The following LURAP1L variants were observed in gnomAD, a reference collection of about 807,000 sequenced individuals.
The protein encoded by LURAP1L is leucine rich adaptor protein 1-like.
Under a neutral mutation model 13.8 loss-of-function variants are expected in LURAP1L, and 12 were observed. The observed-to-expected ratio is 0.87, with a 90% CI of 0.56 to 1.41. LURAP1L has a LOEUF of 1.41. LURAP1L is among the 40% of genes most tolerant of loss of function. The pLI, the probability that LURAP1L is intolerant of heterozygous loss-of-function variation, is 0.00. For missense variants in LURAP1L, 375 were observed against 292.9 expected (o/e 1.28, Z -2.04); for synonymous variants, 139 against 119.2 (o/e 1.17, Z -1.08).
At position 12,812,607 on chromosome 9, in the gene LURAP1L, A is replaced by T. The variant is rs186541032; in HGVS notation, c.313-8779A>T. 1.1e-4 allele frequency among the ~76,000 whole-genome samples: 16 copies of T among 152,336 alleles called. No homozygotes were observed. The East Asian group carries it at 1.7e-3, about 17-fold the overall frequency. On this transcript the variant is annotated intron_variant, in intron 1 of 1. Transcript: ENST00000319264. ...AGAATGAAGAAGAAATATGGGGCAT[A>T]AGATCCACGGCAAACAGATTTAATT... is the stretch of plus-strand genomic sequence containing the variant.
chr9:12,792,288 A>G (rs1361469884), intron 1 of LURAP1L, among the ~76,000 whole-genome samples: 1 of 152,152 alleles, frequency 6.6e-6, no homozygotes, highest in Non-Finnish European at 1.5e-5. Flanking sequence ...TTTTGTTAGA[A>G]GAGGAAAGTG....
Position 12,775,863 on chromosome 9 carries a change from G to A in LURAP1L, c.148G>A (p.Gly50Ser), listed in dbSNP as rs759447438. 7.0e-7 allele frequency: 1 copy of A among 1,418,676 alleles called. No homozygotes were observed. The highest frequency in any genetic ancestry group is 1.2e-5 in the South Asian group (1 of 82,622). The allele number at this position is 1,418,676 out of a possible 1,614,324, so 87.9% of individuals were successfully genotyped here. ...RDPCGGSGGG[G>S]GGGGGCSSSS... Reference sequence around the variant, plus strand: ...CCCCTGCGGGGGGAGCGGTGGTGGTGGCGGCGGCGGCGGCGGCTGCAGTAG... The same window carrying A: ...CCCCTGCGGGGGGAGCGGTGGTGGTAGCGGCGGCGGCGGCGGCTGCAGTAG... The change falls in exon 1 of 2, where the codon GGC becomes AGC. Residue 50 changes from glycine to serine, a missense_variant. Physicochemically the swap from Gly to Ser is moderately conservative, Grantham distance 56. Coordinates refer to ENST00000319264, the MANE Select transcript of LURAP1L (RefSeq NM_203403.2).
chr9:12,796,958 C>T (rs1369547268), intron 1 of LURAP1L, among the ~76,000 whole-genome samples: 3 of 151,896 alleles, frequency 2.0e-5, no homozygotes, highest in Non-Finnish European at 4.4e-5. Context: ...TTTAAAGTAC[C>T]TGTCATTGTA....
intron 1 of LURAP1L, among the ~76,000 whole-genome samples, chr9:12,819,144 A>T (rs916077754): frequency 3.3e-5 from 5 of 152,282 alleles, no homozygotes; most frequent in African/African-American, 1.2e-4. Flanking sequence ...CTCAAGGCTA[A>T]GTTCACATCC....
intron 1 of LURAP1L, among the ~76,000 whole-genome samples, chr9:12,798,012 G>A (rs945768639): frequency 6.6e-6 from 1 of 152,146 alleles, no homozygotes; most frequent in South Asian, 2.1e-4. Context: ...CATGGGGCAA[G>A]CATTTGATCT....
chr9:12,816,927 G>T (rs556641936), intron 1 of LURAP1L, among the ~76,000 whole-genome samples: 85 of 152,192 alleles, frequency 5.6e-4, no homozygotes, highest in Non-Finnish European at 9.3e-4. Context: ...GTTGTTTTTT[G>T]GTACATGTCC....
intron 1 of LURAP1L, among the ~76,000 whole-genome samples, chr9:12,786,588 T>C (rs1416560953): frequency 6.6e-5 from 2 of 30,328 alleles, no homozygotes; most frequent in African/African-American, 3.2e-4. Context: ...ATATAAACCC[T>C]TGTGCCTTAA....
chr9:12,794,962 G>C (rs1819493357), intron 1 of LURAP1L, among the ~76,000 whole-genome samples: 1 of 151,934 alleles, frequency 6.6e-6, no homozygotes, highest in East Asian at 1.9e-4. Flanking sequence ...GCTACTAAAA[G>C]ATTTTAACCT....
chr9:12,811,105 T>C (rs898911304), intron 1 of LURAP1L, among the ~76,000 whole-genome samples: 6 of 152,162 alleles, frequency 3.9e-5, no homozygotes, highest in Non-Finnish European at 7.4e-5. Context: ...GTAACTTTTA[T>C]TACCATCCTA....
chr9:12,777,122 G>T (rs1388491492), intron 1 of LURAP1L: 1 of 535,486 alleles, frequency 1.9e-6, no homozygotes, highest in South Asian at 8.2e-5. Context: ...ACTCCGACAG[G>T]AATGCTGGAA....
chr9:12,794,766 T>G (rs752681116), intron 1 of LURAP1L, among the ~76,000 whole-genome samples: 3 of 151,760 alleles, frequency 2.0e-5, no homozygotes, highest in Non-Finnish European at 4.4e-5. Flanking sequence ...TGTCCACACT[T>G]TGGACATTAC....
intron 1 of LURAP1L, among the ~76,000 whole-genome samples, chr9:12,797,418 G>A (rs955225600): frequency 6.6e-6 from 1 of 152,076 alleles, no homozygotes; most frequent in African/African-American, 2.4e-5. Flanking sequence ...AGTTTTAGCT[G>A]TCTAAAAACT....
intron 1 of LURAP1L, among the ~76,000 whole-genome samples, chr9:12,795,603 A>G (rs1819501751): frequency 6.6e-6 from 1 of 152,046 alleles, no homozygotes; most frequent in African/African-American, 2.4e-5. Flanking sequence ...ACAAGACTGA[A>G]AAGGTAAAAT....
intron 1 of LURAP1L, among the ~76,000 whole-genome samples, chr9:12,808,703 G>A (rs1228112497): frequency 1.3e-5 from 2 of 151,924 alleles, no homozygotes; most frequent in Non-Finnish European, 2.9e-5. Context: ...TAGGTTTTTT[G>A]GTATTTATCC....
At chr9:12,779,421 C>T (rs2118456708) in intron 1 of LURAP1L, among the ~76,000 whole-genome samples, 1 of 151,946 alleles carries the variant, frequency 6.6e-6, no homozygotes, top group South Asian at 2.1e-4. Flanking sequence ...ACTACAGGCA[C>T]CTGCAACCAC....
chr9:12,799,133 A>T (rs1671540759), intron 1 of LURAP1L, among the ~76,000 whole-genome samples: 1 of 152,140 alleles, frequency 6.6e-6, no homozygotes, highest in South Asian at 2.1e-4. Context: ...GAACATCAAG[A>T]TATTTGTCCC....
At chr9:12,786,510 T>C (rs72702669) in intron 1 of LURAP1L, among the ~76,000 whole-genome samples, 3,648 of 130,278 alleles carry the variant, frequency 0.028, 66 homozygotes, top group Non-Finnish European at 0.044. Flanking sequence ...ATGAACCCTC[T>C]AAAATTAGAT....
chr9:12,796,596 T>A (rs534399742), intron 1 of LURAP1L, among the ~76,000 whole-genome samples: 11 of 152,240 alleles, frequency 7.2e-5, no homozygotes, highest in African/African-American at 2.2e-4. Flanking sequence ...ATTTCTGTGA[T>A]AATTTATAAG....
chr9:12,777,523 C>A, intron 1 of LURAP1L: 1 of 980,304 alleles, frequency 1.0e-6, no homozygotes, highest in Non-Finnish European at 1.2e-6. Flanking sequence ...TGTAATTTTA[C>A]CCATGGAATG....
Sources: gnomAD v4.1 joint callset for allele counts (sites outside exome capture counted in the v4.1 genomes callset) on GRCh38, gnomAD v4.1.1 for gene constraint, MANE v1.5 for transcripts, NCBI Gene and HGNC (gene_info 2026-07-23, HGNC 2026-07-21) for gene names.